GPN2: variants seen among roughly 807,000 people sequenced by gnomAD.
GPN2 encodes the protein ATP-binding domain 1 family member B.
GPN2 carries 27 observed loss-of-function variants against 30.1 expected under a neutral mutation model. The observed-to-expected ratio is 0.90, with a 90% CI of 0.66 to 1.24. GPN2 has a LOEUF of 1.24. Among genes scored for constraint, GPN2 ranks in the 50% most tolerant of loss-of-function variants. The pLI is 0.00. For synonymous variants in GPN2, 212 were observed against 174.4 expected (o/e 1.22, Z -1.70); for missense variants, 406 against 405.4 (o/e 1.00, Z -0.01).
intron 2 of GPN2, among the ~76,000 whole-genome samples, chr1:26,888,358 ACT>A (rs1253121986): frequency 1.3e-5 from 2 of 151,778 alleles, no homozygotes; most frequent in East Asian, 3.9e-4. Flanking sequence ...CAGGAAGCAG[ACT>A]CTCACCAGAC....
chr1:26,879,705 G>A lies in GPN2; in HGVS notation c.905C>T (p.Ser302Leu), dbSNP rs1266766007. The A allele has an allele frequency of 6.2e-7, 1 of 1,613,890 alleles. No homozygotes were observed. The highest frequency in any genetic ancestry group is 8.5e-7 in the Non-Finnish European group (1 of 1,179,856). The change falls in exon 5 of 5, where the codon TCA becomes TTA. Residue 302 changes from serine to leucine, a missense_variant. Physicochemically the swap from Ser to Leu is moderately radical, Grantham distance 145 (BLOSUM62 -2). Transcript: ENST00000374135. The part of the protein sequence containing the change: ...QEKYLAPSNQ[S>L]VEQEAMQL ...CAGCTGCATGGCTTCCTGCTCCACT[G>A]ACTGGTTCGAGGGTGCCAGGTACTT...
intron 2 of GPN2, chr1:26,886,337 T>C (rs188865772): frequency 4.9e-6 from 3 of 614,826 alleles, no homozygotes; most frequent in Admixed American, 2.3e-5. Flanking sequence ...ATCTACTTCA[T>C]AGGACTGTTA....
rs75611636 is a variant in GPN2 at position 26,887,342 on chromosome 1, T to G, written c.569-1209A>C. ...TTTCTGCCCAGAAAACTTAAGTATC[T>G]GGGCTCCCTGGCAGCTCTATCCTAA... On this transcript the variant is annotated intron_variant, in intron 2 of 4. Transcript: ENST00000374135. Among the ~76,000 whole-genome samples the G allele has an allele frequency of 6.9e-3, 1,054 of 152,266 alleles. 11 individuals are homozygous for G. Among genetic ancestry groups the G allele is most frequent in the African/African-American group, 0.024 (994 of 41,538 alleles).
intron 4 of GPN2, among the ~76,000 whole-genome samples, chr1:26,882,409 T>C (rs2081869078): frequency 6.6e-6 from 1 of 152,072 alleles, no homozygotes; most frequent in African/African-American, 2.4e-5. Context: ...GCTGAGCACA[T>C]GCAGTCCAAT....
intron 4 of GPN2, among the ~76,000 whole-genome samples, chr1:26,881,452 T>C (rs1018855434): frequency 8.5e-5 from 13 of 152,258 alleles, no homozygotes; most frequent in Non-Finnish European, 1.9e-4. Context: ...ACTGAATGCA[T>C]ATAGCTTTCA....
chr1:26,888,931 C>A, intron 2 of GPN2, 38 bp downstream of exon 2: 1 of 1,609,292 alleles, frequency 6.2e-7, no homozygotes, highest in Non-Finnish European at 8.5e-7. Context: ...TCTAGCCCAG[C>A]TGCTGCCCTG....
chr1:26,883,543 T>C (rs959714692), intron 4 of GPN2, among the ~76,000 whole-genome samples: 2 of 152,150 alleles, frequency 1.3e-5, no homozygotes, highest in African/African-American at 2.4e-5. Flanking sequence ...TCCCAGCACT[T>C]TGGGAGGCTG....
intron 4 of GPN2, among the ~76,000 whole-genome samples, chr1:26,882,085 C>T (rs376479367): frequency 2.0e-5 from 3 of 151,914 alleles, no homozygotes; most frequent in Admixed American, 1.3e-4. Context: ...AGCGTGGTGG[C>T]GGGCGCCTAT....
chr1:26,890,097 T>TGGCGGCC lies in GPN2; in HGVS notation c.-8_-2dup. On this transcript the variant is annotated 5_prime_UTR_variant, in exon 1 of 5. Coordinates refer to ENST00000374135, the MANE Select transcript of GPN2 (RefSeq NM_018066.4). Reference sequence around the variant, plus strand: ...CCGTGGTCGGAGCGGCCCCTGCCATTGGCGGCCCGCGGCCCGGAGCAGGTC... The same window carrying TGGCGGCC: ...CCGTGGTCGGAGCGGCCCCTGCCATTGGCGGCCGGCGGCCCGCGGCCCGGAGCAGGTC... The TGGCGGCC allele has an allele frequency of 6.6e-7, 1 of 1,521,280 alleles. No homozygotes were observed. The highest frequency in any genetic ancestry group is 8.8e-7 in the Non-Finnish European group (1 of 1,141,784). The allele number at this position is 1,521,280 out of a possible 1,614,324, so 94.2% of individuals were successfully genotyped here. A position where few individuals can be genotyped will look rare whatever the true frequency, so the allele number is the denominator to read the frequency against.
At chr1:26,886,980 C>T (rs944321868) in intron 2 of GPN2, among the ~76,000 whole-genome samples, 5 of 122,510 alleles carry the variant, frequency 4.1e-5, no homozygotes, top group South Asian at 2.7e-4. Flanking sequence ...GCAACAAGAG[C>T]GAAACTCTGT....
rs2081843809 is a variant in GPN2 at position 26,877,670 on chromosome 1, T to G, written c.*2007A>C. ...GGCAATGGCTTATTAATTCTCCCCA[T>G]CCTGTCTATCTCTAATGAGGATTGT... On this transcript the variant is annotated 3_prime_UTR_variant, in exon 5 of 5. Transcript: ENST00000374135. The G allele has an allele frequency of 6.6e-6, 1 of 152,202 alleles. No homozygotes were observed. Among genetic ancestry groups the G allele is most frequent in the Non-Finnish European group, 1.5e-5 (1 of 68,036 alleles). 9.4% of individuals were successfully genotyped at this position (152,202 alleles called of 1,614,324 possible).
intron 4 of GPN2, 42 bp from the exon 5 acceptor site, chr1:26,879,791 T>A: frequency 7.1e-7 from 1 of 1,408,242 alleles, no homozygotes; most frequent in Non-Finnish European, 1.0e-6. Flanking sequence ...AGGCAGAGGA[T>A]GGGGAGCTGG....
At chr1:26,880,607 G>A (rs1206404541) in intron 4 of GPN2, among the ~76,000 whole-genome samples, 2 of 151,830 alleles carry the variant, frequency 1.3e-5, no homozygotes, top group Non-Finnish European at 1.5e-5. Context: ...CACCACGCCT[G>A]GCCAAAAATA....
At chr1:26,887,148 A>G (rs2081895240) in intron 2 of GPN2, among the ~76,000 whole-genome samples, 1 of 152,202 alleles carries the variant, frequency 6.6e-6, no homozygotes, top group Admixed American at 6.5e-5. Flanking sequence ...GTTAAACTGA[A>G]TAAATGCTAC....
At chr1:26,881,208 T>C (rs2081862724) in intron 4 of GPN2, among the ~76,000 whole-genome samples, 1 of 152,212 alleles carries the variant, frequency 6.6e-6, no homozygotes, top group African/African-American at 2.4e-5. Flanking sequence ...AAACCCATCC[T>C]AAATCAAAAA....
intron 4 of GPN2, 35 bp from the exon 5 acceptor site, chr1:26,879,784 C>CA: frequency 6.7e-7 from 1 of 1,491,866 alleles, no homozygotes; most frequent in South Asian, 1.1e-5. Context: ...ATAGCATAGG[C>CA]AGAGGATGGG....
At position 26,889,877 on chromosome 1, in the gene GPN2, G is replaced by A. The variant is rs1346976098; in HGVS notation, c.220C>T (p.Arg74Cys). ...VGLGDVMDAL[R>C]LGPNGGLLYC... is the part of the protein sequence containing the mutation. ...AGCAGGCCGCCGTTGGGCCCCAGGC[G>A]CAGCGCGTCCATCACGTCGCCCAGC... The change falls in exon 1 of 5, where the codon CGC becomes TGC. Residue 74 changes from arginine (R) to cysteine (C), a missense_variant. Coordinates refer to ENST00000374135, the MANE Select transcript of GPN2 (RefSeq NM_018066.4). 1 of 1,611,664 alleles carries A rather than the reference G, an allele frequency of 6.2e-7. No homozygotes were observed. Among genetic ancestry groups the A allele is most frequent in the Admixed American group, 1.7e-5 (1 of 59,904 alleles).
chr1:26,885,114 G>A (rs1340091261), intron 3 of GPN2, among the ~76,000 whole-genome samples: 1 of 152,224 alleles, frequency 6.6e-6, no homozygotes, highest in Non-Finnish European at 1.5e-5. Flanking sequence ...ACAGTGCCCA[G>A]CACAGAAAGC....
chr1:26,889,066 T>C lies in GPN2; in HGVS notation c.471A>G (p.Ser157=), dbSNP rs2081906092. ...HYCTDPAKFI[S]VLCTSLATML... ...TGGTGGCCAGGGAGGTACACAGTAC[T>C]GAAATGAACTTGGCAGGGTCTGTGC... The change falls in exon 2 of 5, where the codon TCA becomes TCG. Residue 157 remains serine (S), a synonymous_variant. Transcript: ENST00000374135. 3 of 1,613,740 alleles carry C rather than the reference T, an allele frequency of 1.9e-6. No homozygotes were observed. In the African/African-American group the frequency reaches 4.0e-5, roughly 22 times the overall value.
Sources: gnomAD v4.1 joint callset for allele counts (sites outside exome capture counted in the v4.1 genomes callset) on GRCh38, gnomAD v4.1.1 for gene constraint, MANE v1.5 for transcripts, NCBI Gene and HGNC (gene_info 2026-07-23, HGNC 2026-07-21) for gene names.